The following RBFOX1 variants were observed in gnomAD, a reference collection of about 807,000 sequenced individuals.
RBFOX1 encodes the protein RNA binding protein fox-1 homolog 1.
In RBFOX1, 8 loss-of-function variants were observed where a neutral mutation model predicts 57.7. That is an observed-to-expected ratio of 0.14 (90% CI 0.08 to 0.25). The LOEUF (loss-of-function observed/expected upper bound fraction) is 0.25. Ranked by LOEUF, RBFOX1 falls within the 10% of genes least tolerant of loss-of-function variation. RBFOX1 has a pLI of 1.00. For missense variants in RBFOX1, 611 were observed against 548.5 expected, an observed-to-expected ratio of 1.11 and a Z score of -1.14; for synonymous variants, 326 against 222.4, an observed-to-expected ratio of 1.47 and a Z score of -4.15.
At chr16:5,242,774 C>T (rs1359609120) in intron 1 of RBFOX1, among the ~76,000 whole-genome samples, 1 of 152,068 alleles carries the variant, frequency 6.6e-6, no homozygotes, top group Non-Finnish European at 1.5e-5. Flanking sequence ...TGTTCTTTCT[C>T]ATCACCAGGC....
chr16:6,094,649 G>A (rs1452436765), intron 1 of RBFOX1, among the ~76,000 whole-genome samples: 1 of 152,200 alleles, frequency 6.6e-6, no homozygotes, highest in African/African-American at 2.4e-5. Context: ...GTTCTCCAGT[G>A]CTGGGAGTTT....
At chr16:6,856,978 AG>A (rs1411374903) in intron 3 of RBFOX1, among the ~76,000 whole-genome samples, 1 of 152,118 alleles carries the variant, frequency 6.6e-6, no homozygotes, top group Non-Finnish European at 1.5e-5. Context: ...GACAAAGAGA[AG>A]GAGGACTTGA....
chr16:6,714,936 CTT>C, intron 3 of RBFOX1, among the ~76,000 whole-genome samples: 1 of 152,186 alleles, frequency 6.6e-6, no homozygotes, highest in East Asian at 1.9e-4. Context: ...GAGCTGAAGA[CTT>C]AAGTTGTAGA....
At chr16:5,547,277 A>G (rs767497385) in intron 2 of RBFOX1, among the ~76,000 whole-genome samples, 8 of 152,216 alleles carry the variant, frequency 5.3e-5, no homozygotes, top group Non-Finnish European at 1.2e-4. Context: ...AAAAGGCAGC[A>G]TGTCCTCAAA....
chr16:5,477,592 A>G (rs1217594258), intron 2 of RBFOX1, among the ~76,000 whole-genome samples: 2 of 152,206 alleles, frequency 1.3e-5, no homozygotes, highest in African/African-American at 4.8e-5. Flanking sequence ...AATAGGGTTC[A>G]TTCTGATTTT....
chr16:6,812,676 C>G (rs535685331), intron 3 of RBFOX1, among the ~76,000 whole-genome samples: 1 of 152,166 alleles, frequency 6.6e-6, no homozygotes, highest in East Asian at 1.9e-4. Context: ...CACGCCTGGC[C>G]TTGGTTCAGT....
At position 7,504,759 on chromosome 16, in the gene RBFOX1, ATATATATATATTTATATATATATATATT is replaced by A. The variant is rs2072507259; in HGVS notation, c.28-13376_28-13349del. Among the ~76,000 whole-genome samples the A allele has an allele frequency of 5.8e-4, 5 of 8,694 alleles. 1 individual carries two copies. Among genetic ancestry groups the A allele is most frequent in the African/African-American group, 8.2e-4 (4 of 4,904 alleles). The allele number at this position is 8,694 out of a possible 152,430, so 5.7% of individuals were successfully genotyped here. A position where few individuals can be genotyped will look rare whatever the true frequency, so the allele number is the denominator to read the frequency against. On this transcript the variant is annotated intron_variant, in intron 4 of 15. Transcript: ENST00000550418. Reference sequence around the variant, plus strand: ...TATATATATATATATATATATTTATATATATATATATTTATATATATATATATTTATATATATATATATTTATATATAT... The same window carrying A: ...TATATATATATATATATATATTTATATATATATATATATATTTATATATAT...
At chr16:7,048,724 G>T (rs1359297529) in intron 3 of RBFOX1, among the ~76,000 whole-genome samples, 1 of 152,118 alleles carries the variant, frequency 6.6e-6, no homozygotes, top group East Asian at 1.9e-4. Flanking sequence ...GTTGGTGTCT[G>T]TGAATGTCTT....
intron 3 of RBFOX1, among the ~76,000 whole-genome samples, chr16:6,685,273 CTT>C (rs202226687): frequency 9.0e-6 from 1 of 111,574 alleles, no homozygotes; most frequent in Non-Finnish European, 1.7e-5. Flanking sequence ...GAGAGTTTTT[CTT>C]TTTTTTTTTT....
intron 1 of RBFOX1, among the ~76,000 whole-genome samples, chr16:6,311,839 C>T (rs1189583717): frequency 1.3e-5 from 2 of 152,152 alleles, no homozygotes; most frequent in Non-Finnish European, 2.9e-5. Context: ...TCACTTCTCC[C>T]ATCCCAGGTG....
intron 4 of RBFOX1, among the ~76,000 whole-genome samples, chr16:7,432,681 C>T (rs1220627761): frequency 6.6e-6 from 1 of 152,082 alleles, no homozygotes; most frequent in Non-Finnish European, 1.5e-5. Context: ...CTTTATTTAC[C>T]AAAACAGATG....
At chr16:5,960,535 G>T (rs568963491) in intron 4 of RBFOX1, among the ~76,000 whole-genome samples, 37 of 152,194 alleles carry the variant, frequency 2.4e-4, no homozygotes, top group African/African-American at 8.7e-4. Flanking sequence ...CATTCTGCTT[G>T]CCATTAAACC....
intron 1 of RBFOX1, among the ~76,000 whole-genome samples, chr16:5,277,720 A>G (rs572482999): frequency 5.8e-4 from 89 of 152,326 alleles, no homozygotes; most frequent in African/African-American, 1.9e-3. Context: ...CCAGGAGCCT[A>G]AGCTGCTCAT....
Position 7,150,370 on chromosome 16 carries a change from T to C in RBFOX1, c.27+98272T>C, listed in dbSNP as rs138943268. 3.3e-4 allele frequency among the ~76,000 whole-genome samples: 51 copies of C among 152,264 alleles called. 1 individual carries two copies. The East Asian group carries it at 5.2e-3, about 16-fold the overall frequency. On this transcript the variant is annotated intron_variant, in intron 4 of 15. Transcript: ENST00000550418. ...GTGCCCACCCTACGTTAATGCCCTA[T>C]GATTTGAGATTATTTGAGAACGTCA...
At chr16:5,613,291 C>G (rs185084316) in intron 3 of RBFOX1, among the ~76,000 whole-genome samples, 3 of 152,322 alleles carry the variant, frequency 2.0e-5, no homozygotes, top group South Asian at 4.1e-4. Context: ...TGCAGTATCT[C>G]TGCATTTGCA....
chr16:7,397,250 T>C (rs1040736760), intron 4 of RBFOX1, among the ~76,000 whole-genome samples: 1 of 152,186 alleles, frequency 6.6e-6, no homozygotes, highest in African/African-American at 2.4e-5. Flanking sequence ...TAAGATAGAA[T>C]TGTGTGTATT....
At chr16:6,173,102 T>A (rs2096974012) in intron 1 of RBFOX1, among the ~76,000 whole-genome samples, 1 of 152,130 alleles carries the variant, frequency 6.6e-6, no homozygotes, top group Non-Finnish European at 1.5e-5. Flanking sequence ...CCTGGATAAT[T>A]AAGACTAATT....
At chr16:6,521,124 G>T (rs1397356064) in intron 2 of RBFOX1, among the ~76,000 whole-genome samples, 1 of 152,074 alleles carries the variant, frequency 6.6e-6, no homozygotes, top group African/African-American at 2.4e-5. Flanking sequence ...GCTTACTAGA[G>T]GCTCAAAATG....
chr16:6,181,683 G>T (rs2097064299), intron 1 of RBFOX1, among the ~76,000 whole-genome samples: 1 of 152,130 alleles, frequency 6.6e-6, no homozygotes, highest in African/African-American at 2.4e-5. Context: ...GAAGCCATTG[G>T]GGATTTTCCT....
Sources: gnomAD v4.1 joint callset for allele counts (sites outside exome capture counted in the v4.1 genomes callset) on GRCh38, gnomAD v4.1.1 for gene constraint, MANE v1.5 for transcripts, NCBI Gene and HGNC (gene_info 2026-07-23, HGNC 2026-07-21) for gene names.